EIF4B: variants seen among roughly 807,000 people sequenced by gnomAD.
EIF4B encodes the protein eukaryotic translation initiation factor 4B.
Under a neutral mutation model 79.3 loss-of-function variants are expected in EIF4B, and 8 were observed. That is an observed-to-expected ratio of 0.10 (90% CI 0.06 to 0.18). The LOEUF (loss-of-function observed/expected upper bound fraction) is 0.18, where lower values mean the gene tolerates loss of function less well. EIF4B is among the 10% of genes least tolerant of loss of function. The probability of loss-of-function intolerance (pLI) is 1.00; values close to 1 mark genes in which losing one functional copy is unlikely to be tolerated. For missense variants in EIF4B, 515 were observed against 792.4 expected (o/e 0.65, Z 4.20); for synonymous variants, 238 against 274.7 (o/e 0.87, Z 1.32).
intron 6 of EIF4B, 77 bp downstream of exon 6, chr12:53,022,704 T>C (rs1943266491): frequency 3.3e-6 from 5 of 1,510,310 alleles, no homozygotes; most frequent in Non-Finnish European, 4.4e-6. Flanking sequence ...GTGTTACAGA[T>C]GATCAGATCA....
rs796458549 is a variant in EIF4B, at chr12:53,037,747, C to G, written c.1520+125C>G. On this transcript the variant is annotated intron_variant, in intron 11 of 14. Transcript: ENST00000262056. ...CCTTATAAGTTATGCTGGCTTTAGT[C>G]TCTTAGTGTGCTGGAACTGGCTCAT... 8.5e-6 allele frequency: 9 copies of G among 1,060,648 alleles called. No homozygotes were observed. In the African/African-American group the frequency reaches 1.4e-4, roughly 17 times the overall value. 65.7% of individuals were successfully genotyped at this position (1,060,648 alleles called of 1,614,324 possible).
At chr12:53,030,413 C>CTTTT (rs759061266) in intron 8 of EIF4B, among the ~76,000 whole-genome samples, 505 of 43,068 alleles carry the variant, frequency 0.012, 140 homozygotes, top group Non-Finnish European at 0.017. Context: ...AAATTATATT[C>CTTTT]TTTTTTTTTT....
At chr12:53,025,822 C>G (rs1277899280) in intron 6 of EIF4B, among the ~76,000 whole-genome samples, 2 of 152,074 alleles carry the variant, frequency 1.3e-5, no homozygotes, top group African/African-American at 2.4e-5. Flanking sequence ...AGAAAAAGAT[C>G]CCTGGCCGGG....
In EIF4B at chr12:53,040,229, T is replaced by C; in HGVS notation, c.*6T>C. 6.2e-7 allele frequency: 1 copy of C among 1,610,480 alleles called. No homozygotes were observed. Among genetic ancestry groups the C allele is most frequent in the East Asian group, 2.2e-5 (1 of 44,866 alleles). ...GAGAAGATTATGCCGAATAGACCTC[T>C]ACATCCTGTGCTTTTCTCCTAGTTT... On this transcript the variant is annotated 3_prime_UTR_variant, in exon 15 of 15. Coordinates refer to ENST00000262056, the MANE Select transcript of EIF4B (RefSeq NM_001417.7).
intron 8 of EIF4B, among the ~76,000 whole-genome samples, chr12:53,031,458 T>G (rs193193497): frequency 1.6e-4 from 25 of 152,300 alleles, no homozygotes; most frequent in Non-Finnish European, 3.4e-4. Flanking sequence ...ATATTTTTTC[T>G]AAAGATGGGG....
chr12:53,028,208 G>T lies in EIF4B; in HGVS notation c.979+20G>T, dbSNP rs547635059. The T allele has an allele frequency of 2.6e-6, 4 of 1,547,682 alleles. No homozygotes were observed. Among genetic ancestry groups the T allele is most frequent in the Non-Finnish European group, 2.6e-6 (3 of 1,149,818 alleles). ...ATAGAGGTAATAGTTTTCTTTTTAC[G>T]TACTTCATGGAGCAGAAACTGGGAA... On this transcript the variant is annotated intron_variant, in intron 8 of 14. Coordinates refer to ENST00000262056, the MANE Select transcript of EIF4B (RefSeq NM_001417.7).
At chr12:53,022,307 A>G in intron 5 of EIF4B, 186 bp from the exon 6 acceptor site, 1 of 811,014 alleles carries the variant, frequency 1.2e-6, no homozygotes, top group Non-Finnish European at 2.1e-6. Context: ...CCAATAGGAA[A>G]AAACGGGAGG....
In EIF4B at chr12:53,038,513, G is replaced by A. The variant is rs77889282; in HGVS notation, c.1576+102G>A. 0.011 allele frequency: 12,521 copies of A among 1,174,664 alleles called. 483 individuals carry two copies. In the East Asian group the frequency reaches 0.15, roughly 14 times the overall value. The allele number at this position is 1,174,664 out of a possible 1,614,324, so 72.8% of individuals were successfully genotyped here. ...AGCAGTGTGTCTCGCACCTGATACC[G>A]TGTTAAGAGTTCTTGGGTTGGCCAG... On this transcript the variant is annotated intron_variant, in intron 12 of 14. Transcript: ENST00000262056.
chr12:53,020,082 A>G, intron 4 of EIF4B, 56 bp downstream of exon 4: 1 of 1,443,866 alleles, frequency 6.9e-7, no homozygotes, highest in South Asian at 1.3e-5. Context: ...TCTCATGTTT[A>G]TTGATCAAAC....
chr12:53,037,197 C>T (rs939115441), intron 10 of EIF4B, among the ~76,000 whole-genome samples: 8 of 152,140 alleles, frequency 5.3e-5, no homozygotes, highest in Non-Finnish European at 8.8e-5. Context: ...CTGGGTGTCC[C>T]TTAAGTTGTA....
chr12:53,012,596 C>T (rs1465485577), intron 1 of EIF4B, among the ~76,000 whole-genome samples: 11 of 149,264 alleles, frequency 7.4e-5, no homozygotes, highest in African/African-American at 1.5e-4. Flanking sequence ...TTTTTTTTTT[C>T]CTTTTTTTTT....
chr12:53,009,752 T>C (rs1943033423), intron 1 of EIF4B, among the ~76,000 whole-genome samples: 1 of 152,224 alleles, frequency 6.6e-6, no homozygotes, highest in Admixed American at 6.5e-5. Context: ...ATGTATATGT[T>C]ATTCTGTGAG....
intron 6 of EIF4B, chr12:53,025,339 A>G (rs1253686708): frequency 2.3e-6 from 1 of 439,710 alleles, no homozygotes; most frequent in Non-Finnish European, 4.5e-6. Flanking sequence ...AGCAGAATGG[A>G]TAACGAGTGA....
At chr12:53,039,070 T>C (rs1475167381) in intron 12 of EIF4B, 168 bp from the exon 13 acceptor site, 7 of 563,752 alleles carry the variant, frequency 1.2e-5, no homozygotes, top group Non-Finnish European at 2.2e-5. Context: ...TTTTGTGTGC[T>C]GTAGAGGATG....
intron 1 of EIF4B, among the ~76,000 whole-genome samples, chr12:53,015,766 T>A (rs551470108): frequency 2.0e-5 from 3 of 151,496 alleles, no homozygotes; most frequent in Non-Finnish European, 4.4e-5. Context: ...CACCTGAGGT[T>A]AGGAGTTCAA....
chr12:53,031,776 G>A (rs1037211405), intron 8 of EIF4B, among the ~76,000 whole-genome samples: 7 of 152,186 alleles, frequency 4.6e-5, no homozygotes, highest in African/African-American at 1.7e-4. Context: ...TGTAGTAAAA[G>A]TATAAAATCA....
chr12:53,039,609 T>C, intron 13 of EIF4B, 21 bp from the exon 14 acceptor site: 1 of 1,613,320 alleles, frequency 6.2e-7, no homozygotes, highest in Non-Finnish European at 8.5e-7. Context: ...AAGACATGGT[T>C]TTATGCTTAC....
At chr12:53,031,219 G>A (rs555130320) in intron 8 of EIF4B, among the ~76,000 whole-genome samples, 20 of 152,280 alleles carry the variant, frequency 1.3e-4, no homozygotes, top group Admixed American at 2.0e-4. Flanking sequence ...CCATGGCCTG[G>A]AACATAGCCC....
chr12:53,031,538 A>C (rs1592225445), intron 8 of EIF4B, among the ~76,000 whole-genome samples: 1 of 152,184 alleles, frequency 6.6e-6, no homozygotes, highest in South Asian at 2.1e-4. Context: ...CGGCCTACCA[A>C]AGTGCTGGGA....
Sources: gnomAD v4.1 joint callset for allele counts (sites outside exome capture counted in the v4.1 genomes callset) on GRCh38, gnomAD v4.1.1 for gene constraint, MANE v1.5 for transcripts, NCBI Gene and HGNC (gene_info 2026-07-23, HGNC 2026-07-21) for gene names.